The following ZNF43 variants were observed in gnomAD, a reference collection of about 807,000 sequenced individuals.
ZNF43 encodes zinc finger protein 39-like 1 (KOX 27).
In ZNF43, 44 loss-of-function variants were observed where a neutral mutation model predicts 68.4. The ratio of observed to expected loss-of-function variants is 0.64; its 90% confidence interval spans 0.51 to 0.83. The LOEUF (loss-of-function observed/expected upper bound fraction) is 0.83, where lower values mean the gene tolerates loss of function less well. Among genes scored for constraint, ZNF43 ranks in the 40% least tolerant of loss-of-function variants. The pLI, the probability that ZNF43 is intolerant of heterozygous loss-of-function variation, is 0.00. For missense variants in ZNF43, 896 were observed against 933.2 expected (o/e 0.96, Z 0.52); for synonymous variants, 308 against 307.8 (o/e 1.00, Z -0.01).
intron 1 of ZNF43, among the ~76,000 whole-genome samples, chr19:21,835,313 G>C (rs1377211307): frequency 6.7e-6 from 1 of 149,746 alleles, no homozygotes; most frequent in Non-Finnish European, 1.5e-5. Context: ...GGAGAAGAAG[G>C]TGGCATTTGG....
intron 1 of ZNF43, among the ~76,000 whole-genome samples, chr19:21,823,346 C>CA (rs1021720450): frequency 6.6e-6 from 1 of 152,064 alleles, no homozygotes; most frequent in African/African-American, 2.4e-5. Context: ...AAGAAAACTG[C>CA]AAAAACTCTC....
rs752354982 is a variant in ZNF43 at position 21,808,282 on chromosome 19, C to G, written c.1755G>C (p.Lys585Asn). Reference sequence around the variant, plus strand: ...AGAATTTCTCTCCAGTATGAATTTTCTTATGTGTAGTAAGGTTTGAGGATT... The same window carrying G: ...AGAATTTCTCTCCAGTATGAATTTTGTTATGTGTAGTAAGGTTTGAGGATT... ...FTQSSNLTTH[K>N]KIHTGEKFYK... Residue 585 changes from lysine to asparagine, a missense_variant, in exon 4 of 4, where the codon AAG (lysine) becomes AAC (asparagine). Lys to Asn is a moderately conservative substitution (Grantham distance 94, BLOSUM62 0). Coordinates refer to ENST00000354959, the MANE Select transcript of ZNF43 (RefSeq NM_003423.4). The G allele has an allele frequency of 1.2e-6, 2 of 1,613,220 alleles. No homozygotes were observed. The highest frequency in any genetic ancestry group is 8.5e-7 in the Non-Finnish European group (1 of 1,179,780).
At chr19:21,836,373 C>A (rs1367758128), upstream of ZNF43, among the ~76,000 whole-genome samples, 1 of 152,216 alleles carries the variant, frequency 6.6e-6, no homozygotes, top group Non-Finnish European at 1.5e-5. Context: ...CCTTTTCAGG[C>A]AGGGCTTCCT....
upstream of ZNF43, among the ~76,000 whole-genome samples, chr19:21,838,399 ATT>A (rs11397819): frequency 1.1e-4 from 15 of 132,498 alleles, no homozygotes; most frequent in East Asian, 6.4e-4. Flanking sequence ...CCCATTCTAA[ATT>A]TTTTTTTTTT....
intron 1 of ZNF43, among the ~76,000 whole-genome samples, chr19:21,842,224 C>T (rs1004254340): frequency 1.7e-4 from 26 of 151,896 alleles, no homozygotes; most frequent in Middle Eastern, 3.4e-3. Flanking sequence ...TCCTGGACAA[C>T]GTGGTGAAAT....
intron 3 of ZNF43, chr19:21,812,082 A>G: frequency 2.5e-6 from 1 of 398,234 alleles, no homozygotes; most frequent in Non-Finnish European, 4.4e-6. Flanking sequence ...AAGTATTTGT[A>G]AATCACATGT....
At chr19:21,817,864 G>A (rs750610561) in intron 3 of ZNF43, 24 bp downstream of exon 3, 6 of 1,597,562 alleles carry the variant, frequency 3.8e-6, no homozygotes, top group East Asian at 2.2e-5. Context: ...TGTGTTTGTT[G>A]TATTCACTTT....
At position 21,808,609 on chromosome 19, in the gene ZNF43, A is replaced by T; in HGVS notation, c.1428T>A (p.His476Gln). 1.9e-6 allele frequency: 3 copies of T among 1,613,618 alleles called. No individual in the cohort carries two copies. Among genetic ancestry groups the T allele is most frequent in the Non-Finnish European group, 1.7e-6 (2 of 1,179,856 alleles). The change falls in exon 4 of 4, where the codon CAT becomes CAA. Residue 476 changes from histidine (H) to glutamine (Q), a missense_variant. Coordinates refer to ENST00000354959, the MANE Select transcript of ZNF43 (RefSeq NM_003423.4). Reference sequence around the variant, plus strand: ...CACATTTGTACGGTTTTTCTGCAGTATGAATTCTCTTATGTGTAGTAAGGT... The same window carrying T: ...CACATTTGTACGGTTTTTCTGCAGTTTGAATTCTCTTATGTGTAGTAAGGT... ...FSNLTTHKRI[H>Q]TAEKPYKCEE...
At chr19:21,822,996 G>C (rs757110772) in intron 1 of ZNF43, among the ~76,000 whole-genome samples, 1 of 151,992 alleles carries the variant, frequency 6.6e-6, no homozygotes, top group Non-Finnish European at 1.5e-5. Flanking sequence ...GGTTTTCTAG[G>C]AGAATTTATT....
intron 1 of ZNF43, among the ~76,000 whole-genome samples, chr19:21,824,776 T>G (rs2145262527): frequency 6.6e-6 from 1 of 150,864 alleles, no homozygotes; most frequent in African/African-American, 2.4e-5. Flanking sequence ...AAAAGAAATC[T>G]GAGGCAACAT....
upstream of ZNF43, chr19:21,839,457 A>G (rs555294973): frequency 5.7e-4 from 87 of 152,072 alleles, no homozygotes; most frequent in African/African-American, 2.0e-3. Flanking sequence ...TAAGTGCTTG[A>G]CTAAGCGATA....
rs759060782 is a variant in ZNF43, at chr19:21,808,278, T to C, written c.1759A>G (p.Ile587Val). The change falls in exon 4 of 4, where the codon ATT becomes GTT. Residue 587 changes from isoleucine to valine, a missense_variant. Physicochemically the swap from Ile to Val is conservative, Grantham distance 29 (BLOSUM62 3). Transcript: ENST00000354959. ...QSSNLTTHKKIHTGEKFYKCE... is the reference protein window; with the variant it reads ...QSSNLTTHKKVHTGEKFYKCE... ...TTGTAGAATTTCTCTCCAGTATGAA[T>C]TTTCTTATGTGTAGTAAGGTTTGAG... is the stretch of plus-strand genomic sequence containing the variant. 1.9e-6 allele frequency: 3 copies of C among 1,613,582 alleles called. No homozygotes were observed. The South Asian group carries it at 3.3e-5, about 18-fold the overall frequency.
intron 1 of ZNF43, among the ~76,000 whole-genome samples, chr19:21,850,728 G>A (rs898059604): frequency 6.6e-6 from 1 of 152,202 alleles, no homozygotes; most frequent in African/African-American, 2.4e-5. Flanking sequence ...GCACCTTGTG[G>A]ACAGTGCCAA....
chr19:21,809,215 A>G lies in ZNF43; in HGVS notation c.822T>C (p.Thr274=), dbSNP rs759092854. The change falls in exon 4 of 4, where the codon ACT becomes ACC. Residue 274 remains threonine, a synonymous_variant. Coordinates refer to ENST00000354959, the MANE Select transcript of ZNF43 (RefSeq NM_003423.4). The part of the protein sequence containing the change: ...GKAFNKSSIL[T]THKIIRTGEK... Reference sequence around the variant, plus strand: ...CTCCAGTGCGAATTATCTTATGGGTAGTAAGGATTGAGGACTTGTTAAAAG... The same window carrying G: ...CTCCAGTGCGAATTATCTTATGGGTGGTAAGGATTGAGGACTTGTTAAAAG... 7.0e-5 allele frequency: 113 copies of G among 1,613,512 alleles called. No individual in the cohort carries two copies. The South Asian group carries it at 1.2e-3, about 16-fold the overall frequency.
chr19:21,839,331 C>CA (rs61335194), upstream of ZNF43, among the ~76,000 whole-genome samples: 5,684 of 28,198 alleles, frequency 0.2, 1,265 homozygotes, highest in African/African-American at 0.23. Flanking sequence ...AGAGATCAGG[C>CA]AAAAAAAAAA....
At chr19:21,835,898 C>T in intron 1 of ZNF43, 138 bp downstream of exon 1, 1 of 1,455,156 alleles carries the variant, frequency 6.9e-7, no homozygotes, top group Non-Finnish European at 9.5e-7. Flanking sequence ...AGAGCAGCCG[C>T]CATCTTATGG....
At chr19:21,844,921 A>AAATATATATAT (rs1310761266) in intron 1 of ZNF43, among the ~76,000 whole-genome samples, 2 of 26,052 alleles carry the variant, frequency 7.7e-5, no homozygotes, top group African/African-American at 2.2e-4. Context: ...AAAAAAAAAA[A>AAATATATATAT]ATATATATAT....
At chr19:21,844,347 C>CAAAAA (rs57500822) in intron 1 of ZNF43, among the ~76,000 whole-genome samples, 15 of 43,154 alleles carry the variant, frequency 3.5e-4, no homozygotes, top group African/African-American at 7.6e-4. Context: ...GACTCTGTCT[C>CAAAAA]AAAAAAAAAA....
intron 1 of ZNF43, among the ~76,000 whole-genome samples, chr19:21,834,941 T>TA (rs35243760): frequency 0.052 from 6,882 of 132,074 alleles, 405 homozygotes; most frequent in African/African-American, 0.15. Context: ...AAATGTACAC[T>TA]AAAAAAAAAA....
Sources: gnomAD v4.1 joint callset for allele counts (sites outside exome capture counted in the v4.1 genomes callset) on GRCh38, gnomAD v4.1.1 for gene constraint, MANE v1.5 for transcripts, NCBI Gene and HGNC (gene_info 2026-07-23, HGNC 2026-07-21) for gene names.